Variants in TTLL7 observed in about 807,000 individuals in gnomAD.
TTLL7 encodes the protein tubulin polyglutamylase TTLL7.
A neutral mutation model predicts 120.2 loss-of-function variants in TTLL7; 53 were observed. The observed-to-expected ratio is 0.44, with a 90% confidence interval of 0.35 to 0.55. The LOEUF (loss-of-function observed/expected upper bound fraction) is 0.55, where lower values mean the gene tolerates loss of function less well. TTLL7 is among the 20% of genes least tolerant of loss of function. The pLI, the probability that TTLL7 is intolerant of heterozygous loss-of-function variation, is 0.00. For synonymous variants in TTLL7, 353 were observed against 351.7 expected (o/e 1.00, Z -0.04); for missense variants, 803 against 1,054.7 (o/e 0.76, Z 3.31).
chr1:83,939,484 C>T (rs770228244), intron 7 of TTLL7, among the ~76,000 whole-genome samples: 11 of 152,186 alleles, frequency 7.2e-5, no homozygotes, highest in Non-Finnish European at 1.2e-4. Context: ...CACAACTTCA[C>T]ATTTACCTTG....
Position 83,890,495 on chromosome 1 carries a change from C to G in TTLL7, c.2209-14G>C. 1 of 1,600,678 alleles carries G rather than the reference C, an allele frequency of 6.2e-7. No homozygotes were observed. The highest frequency in any genetic ancestry group is 8.5e-7 in the Non-Finnish European group (1 of 1,173,130). ...TATGTCCAAAACCTAGTGGAAAAAC[C>G]AAAGTACTTACAATCTAGGAATGTA... On this transcript the variant is annotated splice_polypyrimidine_tract_variant and intron_variant, in intron 18 of 20. Transcript: ENST00000260505.
chr1:83,963,727 C>T (rs1441549361), intron 1 of TTLL7, among the ~76,000 whole-genome samples: 11 of 152,108 alleles, frequency 7.2e-5, no homozygotes, highest in Non-Finnish European at 1.5e-4. Flanking sequence ...GCCTGGAACA[C>T]ATGAGCTAAA....
At chr1:83,971,673 C>A (rs1557769428) in intron 1 of TTLL7, among the ~76,000 whole-genome samples, 3 of 151,916 alleles carry the variant, frequency 2.0e-5, no homozygotes, top group Admixed American at 2.0e-4. Flanking sequence ...ACTTTTGAAC[C>A]CAGTAGTTTT....
intron 1 of TTLL7, chr1:83,980,922 C>T (rs2100604108): frequency 6.6e-6 from 1 of 151,990 alleles, no homozygotes; most frequent in African/African-American, 2.4e-5. Context: ...AAAAAGTAAG[C>T]TATGATAAAC....
At chr1:83,945,544 C>T (rs1648404417) in intron 6 of TTLL7, among the ~76,000 whole-genome samples, 2 of 152,012 alleles carry the variant, frequency 1.3e-5, no homozygotes, top group Non-Finnish European at 2.9e-5. Context: ...CAATAATGGA[C>T]AAAATAACAA....
intron 1 of TTLL7, among the ~76,000 whole-genome samples, chr1:83,954,464 G>T (rs1157006128): frequency 1.3e-5 from 2 of 152,198 alleles, no homozygotes; most frequent in Non-Finnish European, 2.9e-5. Flanking sequence ...TGAGATGACG[G>T]ATTTATCCCA....
At chr1:83,933,114 A>G (rs1659741280) in intron 9 of TTLL7, among the ~76,000 whole-genome samples, 1 of 152,172 alleles carries the variant, frequency 6.6e-6, no homozygotes, top group Non-Finnish European at 1.5e-5. Context: ...GGGAAGCCCC[A>G]GGTATATAAC....
intron 1 of TTLL7, among the ~76,000 whole-genome samples, chr1:83,991,132 T>C (rs932311307): frequency 2.0e-5 from 3 of 152,140 alleles, no homozygotes; most frequent in African/African-American, 7.2e-5. Flanking sequence ...GTATGAGGTA[T>C]CTAAAGTGGT....
chr1:83,977,487 T>A (rs2100590799), intron 1 of TTLL7, among the ~76,000 whole-genome samples: 1 of 152,114 alleles, frequency 6.6e-6, no homozygotes, highest in South Asian at 2.1e-4. Context: ...TGGGCCTAAA[T>A]CAAATGACTT....
At chr1:83,892,540 G>GAATGAACATATA (rs1553129064) in intron 18 of TTLL7, among the ~76,000 whole-genome samples, 794 of 65,526 alleles carry the variant, frequency 0.012, 69 homozygotes, top group African/African-American at 0.018. Context: ...ATGAACATAT[G>GAATGAACATATA]AATGAACATA....
At chr1:83,917,749 G>T in intron 13 of TTLL7, 59 bp from the exon 14 acceptor site, 1 of 1,154,646 alleles carries the variant, frequency 8.7e-7, no homozygotes, top group Non-Finnish European at 1.3e-6. Flanking sequence ...ATTTTTCCAA[G>T]TTGATTAATC....
intron 17 of TTLL7, among the ~76,000 whole-genome samples, chr1:83,904,899 A>G (rs1295927394): frequency 1.3e-5 from 2 of 152,058 alleles, no homozygotes; most frequent in Non-Finnish European, 2.9e-5. Flanking sequence ...TATTTACCAC[A>G]TGTAGTGAAC....
At position 83,922,187 on chromosome 1, in the gene TTLL7, GA is replaced by G. The variant is rs1300551384; in HGVS notation, c.1143-794del. ...AAAAAGGAAAAGCAAGGCCAATTCT[GA>G]CCCCACCTTTAGAAGAAACAAACAA... On this transcript the variant is annotated intron_variant, in intron 10 of 20. Coordinates refer to ENST00000260505, the MANE Select transcript of TTLL7 (RefSeq NM_024686.6). Among the ~76,000 whole-genome samples the G allele has an allele frequency of 8.0e-4, 121 of 152,092 alleles. 1 individual carries two copies. Among genetic ancestry groups the G allele is most frequent in the Middle Eastern group, 3.4e-3 (1 of 294 alleles).
At chr1:83,898,892 T>C (rs924943796) in intron 18 of TTLL7, among the ~76,000 whole-genome samples, 1 of 151,708 alleles carries the variant, frequency 6.6e-6, no homozygotes, top group Non-Finnish European at 1.5e-5. Flanking sequence ...GTAGAAAAAA[T>C]TTTTTTTAAA....
chr1:83,870,049 C>A lies in TTLL7; in HGVS notation c.2577G>T (p.Leu859Phe). 6.3e-7 allele frequency: 1 copy of A among 1,579,172 alleles called. No homozygotes were observed. Among genetic ancestry groups the A allele is most frequent in the South Asian group, 1.2e-5 (1 of 84,264 alleles). The change falls in exon 21 of 21, where the codon TTG (leucine) becomes TTT (phenylalanine). Residue 859 changes from leucine to phenylalanine, a missense_variant. By Grantham distance (22) the Leu-to-Phe change is conservative (BLOSUM62 0). Coordinates refer to ENST00000260505, the MANE Select transcript of TTLL7 (RefSeq NM_024686.6). ...YLLPGSTQFFLRTPTYNLKYN... is the reference protein window; with the variant it reads ...YLLPGSTQFFFRTPTYNLKYN... ...ACTTCAAGTTGTAGGTTGGTGTTCT[C>A]AAGAAGAATTGGGTGCTCCCTGGTA...
At position 83,890,396 on chromosome 1, in the gene TTLL7, C is replaced by T. The variant is rs375035907; in HGVS notation, c.2294G>A (p.Arg765Gln). 5 of 1,613,238 alleles carry T rather than the reference C, an allele frequency of 3.1e-6. No individual in the cohort carries two copies. The highest frequency in any genetic ancestry group is 1.1e-5 in the South Asian group (1 of 91,072). The stretch of plus-strand genomic sequence containing the variant: ...GCGATTAAAAACCCGGTTGAAAATC[C>T]GATATAAATTTACTTCTTCAACATC... ...VPDVEEVNLYRIFNRVFNRLL... is the reference protein window; with the variant it reads ...VPDVEEVNLYQIFNRVFNRLL... Residue 765 changes from arginine (R) to glutamine (Q), a missense_variant, in exon 19 of 21, where the codon CGG becomes CAG. Coordinates refer to ENST00000260505, the MANE Select transcript of TTLL7 (RefSeq NM_024686.6).
At chr1:83,987,029 G>A (rs1318867776) in intron 1 of TTLL7, among the ~76,000 whole-genome samples, 1 of 151,456 alleles carries the variant, frequency 6.6e-6, no homozygotes, top group Non-Finnish European at 1.5e-5. Flanking sequence ...TCAAAGTGAA[G>A]AACACAAGAT....
chr1:83,937,483 G>C (rs1311433170), intron 8 of TTLL7, among the ~76,000 whole-genome samples: 1 of 152,160 alleles, frequency 6.6e-6, no homozygotes, highest in South Asian at 2.1e-4. Context: ...AATTACAGGC[G>C]TGAGCCACTG....
At chr1:83,923,406 AGAG>A (rs1296226915) in intron 10 of TTLL7, among the ~76,000 whole-genome samples, 5 of 152,042 alleles carry the variant, frequency 3.3e-5, no homozygotes, top group Non-Finnish European at 5.9e-5. Context: ...TGAAAAACTA[AGAG>A]GAGATGAAAA....
Sources: allele counts gnomAD v4.1 joint callset (sites outside exome capture counted in the v4.1 genomes callset), GRCh38; gene constraint gnomAD v4.1.1; transcripts MANE v1.5; gene names NCBI Gene and HGNC (gene_info 2026-07-23, HGNC 2026-07-21).